LRP5: variants seen among roughly 807,000 people sequenced by gnomAD.
The protein encoded by LRP5 is low-density lipoprotein receptor-related protein 5.
In LRP5, 62 loss-of-function variants were observed where a neutral mutation model predicts 154.1. That is an observed-to-expected ratio of 0.40 (90% confidence interval 0.33 to 0.50). The LOEUF (loss-of-function observed/expected upper bound fraction) is 0.50. Ranked by LOEUF, LRP5 falls within the 20% of genes least tolerant of loss-of-function variation. The probability of loss-of-function intolerance (pLI) is 0.55; values close to 1 mark genes in which losing one functional copy is unlikely to be tolerated. For synonymous variants in LRP5, 966 were observed against 1,011.5 expected (o/e 0.96, Z 0.85); for missense variants, 1,915 against 2,336.7 (o/e 0.82, Z 3.72).
chr11:68,355,235 C>G (rs1404853786), intron 2 of LRP5, among the ~76,000 whole-genome samples: 1 of 152,138 alleles, frequency 6.6e-6, no homozygotes, highest in Non-Finnish European at 1.5e-5. Context: ...CAAAGCGGGG[C>G]TTGTTCTCCC....
chr11:68,354,965 G>A (rs988116333), intron 2 of LRP5, among the ~76,000 whole-genome samples: 6 of 152,344 alleles, frequency 3.9e-5, no homozygotes, highest in African/African-American at 1.2e-4. Context: ...GCAGCTGGGC[G>A]CAGTCAGCCT....
chr11:68,399,315 G>A (rs954450918), intron 7 of LRP5, among the ~76,000 whole-genome samples: 11 of 151,862 alleles, frequency 7.2e-5, no homozygotes, highest in African/African-American at 2.2e-4. Context: ...AGGTTGCAGC[G>A]AGCCAAGATC....
At chr11:68,434,350 TTTCA>T (rs3138551) in intron 18 of LRP5, among the ~76,000 whole-genome samples, 84,269 of 143,158 alleles carry the variant, frequency 0.59, 25,182 homozygotes, top group East Asian at 0.77. Context: ...GTGAGTTTTC[TTTCA>T]TTCATTCATT....
intron 5 of LRP5, among the ~76,000 whole-genome samples, chr11:68,367,251 G>T (rs370046100): frequency 6.6e-6 from 1 of 152,336 alleles, no homozygotes; most frequent in East Asian, 1.9e-4. Context: ...ATAGACCCTT[G>T]AAGGGGAGGA....
chr11:68,398,954 C>A (rs2098651127), intron 7 of LRP5, among the ~76,000 whole-genome samples: 1 of 152,102 alleles, frequency 6.6e-6, no homozygotes, highest in African/African-American at 2.4e-5. Flanking sequence ...CCAGGCTTTT[C>A]TGGAACTCCA....
Position 68,428,528 on chromosome 11 carries a change from G to A in LRP5, c.3638-1047G>A, listed in dbSNP as rs73516804. ...AGCGTTCCACACTTGTGGATGCGCC[G>A]CCTCAACCTCTGCCCATCTTCATGT... On this transcript the variant is annotated intron_variant, in intron 16 of 22. Coordinates refer to ENST00000294304, the MANE Select transcript of LRP5 (RefSeq NM_002335.4). Among the ~76,000 whole-genome samples the A allele has an allele frequency of 4.5e-3, 685 of 151,990 alleles. 5 individuals carry two copies. The highest frequency in any genetic ancestry group is 0.015 in the African/African-American group (637 of 41,452).
intron 1 of LRP5, among the ~76,000 whole-genome samples, chr11:68,341,277 A>G (rs1324676082): frequency 6.6e-6 from 1 of 151,570 alleles, no homozygotes; most frequent in East Asian, 1.9e-4. Flanking sequence ...TCGGTTTTTC[A>G]TGGTGATCTG....
intron 7 of LRP5, among the ~76,000 whole-genome samples, chr11:68,397,004 T>C (rs1021019475): frequency 6.6e-5 from 10 of 152,206 alleles, no homozygotes; most frequent in Admixed American, 6.5e-4. Context: ...GGGCTAGGAA[T>C]TCCAGTGTTG....
At chr11:68,344,849 C>CT (rs58477287) in intron 1 of LRP5, among the ~76,000 whole-genome samples, 1,309 of 65,590 alleles carry the variant, frequency 0.02, 434 homozygotes, top group African/African-American at 0.026. Context: ...GAATCTCTCT[C>CT]TTTTTTTTTT....
chr11:68,325,346 T>C (rs1254737408), intron 1 of LRP5, among the ~76,000 whole-genome samples: 1 of 152,160 alleles, frequency 6.6e-6, no homozygotes, highest in Non-Finnish European at 1.5e-5. Context: ...GTGAGGCCCT[T>C]GAGCTAGAGG....
chr11:68,441,531 A>G (rs2098678209), intron 21 of LRP5, among the ~76,000 whole-genome samples: 1 of 152,208 alleles, frequency 6.6e-6, no homozygotes, highest in Non-Finnish European at 1.5e-5. Context: ...GGTAACCAGA[A>G]GCCGAGAGTT....
At chr11:68,428,943 A>G (rs4362155) in intron 16 of LRP5, among the ~76,000 whole-genome samples, 802 of 3,174 alleles carry the variant, frequency 0.25, 239 homozygotes, top group South Asian at 0.52. Flanking sequence ...AAAAAAAAAA[A>G]AAAATTAGCC....
intron 1 of LRP5, among the ~76,000 whole-genome samples, chr11:68,330,619 A>G (rs935537976): frequency 3.3e-5 from 5 of 152,396 alleles, no homozygotes; most frequent in East Asian, 1.9e-4. Flanking sequence ...TGCTGGCTGC[A>G]TGAAGCCGTA....
chr11:68,395,491 A>C (rs660925), intron 7 of LRP5, among the ~76,000 whole-genome samples: 1 of 151,686 alleles, frequency 6.6e-6, no homozygotes, highest in African/African-American at 2.4e-5. Flanking sequence ...GTGATGGCGC[A>C]GGGCACGGGT....
At chr11:68,443,719 C>CGCA (rs2098679914) in intron 21 of LRP5, among the ~76,000 whole-genome samples, 1 of 148,658 alleles carries the variant, frequency 6.7e-6, no homozygotes, top group African/African-American at 2.5e-5. Context: ...AGTGCAGTGG[C>CGCA]GCAATCTCAG....
chr11:68,379,939 C>G (rs1423738444), intron 5 of LRP5, among the ~76,000 whole-genome samples: 1 of 152,204 alleles, frequency 6.6e-6, no homozygotes, highest in Non-Finnish European at 1.5e-5. Flanking sequence ...CCAGACCAGC[C>G]TGGCCAACAT....
intron 7 of LRP5, among the ~76,000 whole-genome samples, chr11:68,396,171 T>C (rs1430946694): frequency 2.0e-5 from 3 of 151,802 alleles, no homozygotes. Context: ...GAGGATGCAG[T>C]TGGACTCCAG....
intron 1 of LRP5, among the ~76,000 whole-genome samples, chr11:68,316,106 C>T (rs1285323501): frequency 6.6e-6 from 1 of 152,134 alleles, no homozygotes; most frequent in African/African-American, 2.4e-5. Context: ...CGTTCCCTCT[C>T]CCCGGATCCC....
intron 7 of LRP5, 42 bp downstream of exon 7, chr11:68,390,094 C>T (rs772831327): frequency 2.5e-6 from 4 of 1,607,408 alleles, no homozygotes; most frequent in African/African-American, 2.7e-5. Flanking sequence ...AGGCCAGGCC[C>T]AGCCACCCCC....
Sources: gnomAD v4.1 joint callset for allele counts (sites outside exome capture counted in the v4.1 genomes callset) on GRCh38, gnomAD v4.1.1 for gene constraint, MANE v1.5 for transcripts, NCBI Gene and HGNC (gene_info 2026-07-23, HGNC 2026-07-21) for gene names.